Variants in HIBCH observed in about 807,000 individuals in gnomAD.
The protein encoded by HIBCH is 3-hydroxyisobutyryl-CoA hydrolase, mitochondrial.
Under a neutral mutation model 58.2 loss-of-function variants are expected in HIBCH, and 50 were observed. The observed-to-expected ratio is 0.86, with a 90% confidence interval of 0.68 to 1.09. HIBCH has a LOEUF of 1.09. Ranked by LOEUF, HIBCH falls within the 50% of genes least tolerant of loss-of-function variation. HIBCH has a pLI of 0.00. For missense variants in HIBCH, 450 were observed against 449.7 expected, an observed-to-expected ratio of 1.00 and a Z score of -0.01; for synonymous variants, 151 against 146.9, an observed-to-expected ratio of 1.03 and a Z score of -0.20.
intron 11 of HIBCH, among the ~76,000 whole-genome samples, chr2:190,220,103 T>C (rs1685675575): frequency 6.6e-6 from 1 of 152,238 alleles, no homozygotes; most frequent in South Asian, 2.1e-4. Flanking sequence ...TATAATGCTA[T>C]GCCACTCCTT....
chr2:190,206,984 T>C lies in HIBCH; in HGVS notation c.1046-1752A>G, dbSNP rs1328069401. ...ACTAAAAATACAAAAAAATTAGGCGTGGTGGCAGGCGCTTTTAGTCCCAGC... is the reference window on the plus strand; with the variant it reads ...ACTAAAAATACAAAAAAATTAGGCGCGGTGGCAGGCGCTTTTAGTCCCAGC... On this transcript the variant is annotated intron_variant, in intron 13 of 13. Transcript: ENST00000359678. The surrounding 1 kb of genome is among the most constrained non-coding windows in gnomAD (Gnocchi z 5.1). Among the ~76,000 whole-genome samples the C allele has an allele frequency of 1.3e-5, 2 of 151,944 alleles. No homozygotes were observed. The highest frequency in any genetic ancestry group is 2.4e-5 in the African/African-American group (1 of 41,344).
chr2:190,276,190 T>C (rs1687546220), intron 6 of HIBCH, among the ~76,000 whole-genome samples: 1 of 152,202 alleles, frequency 6.6e-6, no homozygotes, highest in Non-Finnish European at 1.5e-5. Context: ...GTTGACTTTC[T>C]GGAACACCAA....
chr2:190,257,793 A>G (rs944720760), intron 7 of HIBCH, among the ~76,000 whole-genome samples: 3 of 152,288 alleles, frequency 2.0e-5, no homozygotes, highest in Admixed American at 2.0e-4. Flanking sequence ...GAGCAGAAGG[A>G]AAGGGGGCTG....
At chr2:190,227,189 C>T (rs1167842234) in intron 11 of HIBCH, among the ~76,000 whole-genome samples, 1 of 152,176 alleles carries the variant, frequency 6.6e-6, no homozygotes, top group African/African-American at 2.4e-5. Context: ...TACTACAAGG[C>T]TACAGTAACC....
Position 190,316,379 on chromosome 2 carries a change from C to T in HIBCH, c.35+3337G>A, listed in dbSNP as rs142232213. Among the ~76,000 whole-genome samples, 81 of 152,154 alleles carry T rather than the reference C, an allele frequency of 5.3e-4. 1 individual carries two copies. In the South Asian group the frequency reaches 0.016, roughly 30 times the overall value. On this transcript the variant is annotated intron_variant, in intron 1 of 13. Coordinates refer to ENST00000359678, the MANE Select transcript of HIBCH (RefSeq NM_014362.4). ...TGGGCTGTGATCCTCCAGCCTCAGC[C>T]ACCCAAAGTGCTGGCATTACAGACT...
chr2:190,311,310 G>A (rs1688552447), intron 1 of HIBCH, among the ~76,000 whole-genome samples: 1 of 152,148 alleles, frequency 6.6e-6, no homozygotes, highest in South Asian at 2.1e-4. Context: ...TTGAAACACA[G>A]GAGATGTTTA....
chr2:190,316,156 AT>A (rs1375389266), intron 1 of HIBCH, among the ~76,000 whole-genome samples: 1 of 151,622 alleles, frequency 6.6e-6, no homozygotes, highest in Non-Finnish European at 1.5e-5. Flanking sequence ...TTATTTATTT[AT>A]TTTTAGAGAC....
chr2:190,300,851 G>A (rs911995271), intron 2 of HIBCH, among the ~76,000 whole-genome samples: 8 of 152,114 alleles, frequency 5.3e-5, no homozygotes, highest in South Asian at 2.1e-4. Flanking sequence ...CAAGGGGTCC[G>A]GTTTCCATTC....
chr2:190,202,832 A>G (rs1348723058), downstream of HIBCH: 4 of 167,044 alleles, frequency 2.4e-5, no homozygotes, highest in African/African-American at 9.7e-5. Flanking sequence ...ACAATGACTC[A>G]CTTAACCCCA....
At chr2:190,230,849 C>T (rs1008061137) in intron 11 of HIBCH, among the ~76,000 whole-genome samples, 1 of 152,134 alleles carries the variant, frequency 6.6e-6, no homozygotes, top group African/African-American at 2.4e-5. Flanking sequence ...TTGTATGAGT[C>T]TAGCATAACC....
chr2:190,311,074 A>G (rs1688542196), intron 1 of HIBCH: 2 of 588,434 alleles, frequency 3.4e-6, no homozygotes, highest in African/African-American at 3.7e-5. Context: ...CAATACAACC[A>G]TATAAAATAT....
At chr2:190,255,062 C>T (rs1245544600) in intron 7 of HIBCH, among the ~76,000 whole-genome samples, 1 of 152,174 alleles carries the variant, frequency 6.6e-6, no homozygotes, top group Non-Finnish European at 1.5e-5. Flanking sequence ...AATCTCACTG[C>T]TTCTACTCTG....
At chr2:190,317,913 T>C (rs575975641) in intron 1 of HIBCH, among the ~76,000 whole-genome samples, 1 of 150,146 alleles carries the variant, frequency 6.7e-6, no homozygotes, top group South Asian at 2.1e-4. Flanking sequence ...AACCTCCCCC[T>C]CCCAGGTTCC....
downstream of HIBCH, among the ~76,000 whole-genome samples, chr2:190,199,339 G>A (rs908850654): frequency 6.6e-6 from 1 of 152,168 alleles, no homozygotes; most frequent in African/African-American, 2.4e-5. Context: ...CGTGAGCATG[G>A]CTGTACAAAA....
chr2:190,190,567 C>T, intron 1 of HIBCH, among the ~76,000 whole-genome samples: 1 of 151,612 alleles, frequency 6.6e-6, no homozygotes, highest in East Asian at 2.0e-4. Context: ...AGATAAATAT[C>T]TAGAAATGAA....
Position 190,315,149 on chromosome 2 carries a change from A to G in HIBCH, c.36-4353T>C, listed in dbSNP as rs985237186. On this transcript the variant is annotated intron_variant, in intron 1 of 13. Transcript: ENST00000359678. This position sits in a 1 kb window ranked among gnomAD's most constrained non-coding sequence, Gnocchi z 5.4. Reference sequence around the variant, plus strand: ...TTTTTAGTAGAAACGGGGTTTCACCATGTTAGCCAGCATGGTCATGATCTC... The same window carrying G: ...TTTTTAGTAGAAACGGGGTTTCACCGTGTTAGCCAGCATGGTCATGATCTC... Among the ~76,000 whole-genome samples, 1 of 151,898 alleles carries G rather than the reference A, an allele frequency of 6.6e-6. No homozygotes were observed. Among genetic ancestry groups the G allele is most frequent in the Non-Finnish European group, 1.5e-5 (1 of 67,976 alleles).
chr2:190,288,679 A>C (rs957601393), intron 5 of HIBCH, among the ~76,000 whole-genome samples: 5 of 152,128 alleles, frequency 3.3e-5, no homozygotes, highest in African/African-American at 4.8e-5. Context: ...GCTAAACACA[A>C]AGTAAAAATC....
intron 10 of HIBCH, 30 bp downstream of exon 10, chr2:190,246,124 A>AATATAT (rs1265433568): frequency 8.0e-7 from 1 of 1,243,052 alleles, no homozygotes; most frequent in Non-Finnish European, 1.2e-6. Context: ...TTTCTAAAGG[A>AATATAT]ATATATAACT....
rs956680639 is a variant in HIBCH, at chr2:190,210,055, T to C, written c.1012-1142A>G. Among the ~76,000 whole-genome samples the C allele has an allele frequency of 6.6e-6, 1 of 152,200 alleles. No individual in the cohort carries two copies. Among genetic ancestry groups the C allele is most frequent in the Non-Finnish European group, 1.5e-5 (1 of 68,032 alleles). ...CCAATCATTTTTAAACATGTTCTAG[T>C]ACCTTCCATCTTACAAAATAAAAAA... On this transcript the variant is annotated intron_variant, in intron 12 of 13. Transcript: ENST00000359678. The surrounding 1 kb of genome is among the most constrained non-coding windows in gnomAD (Gnocchi z 5.5).
Sources: allele counts gnomAD v4.1 joint callset (sites outside exome capture counted in the v4.1 genomes callset), GRCh38; gene constraint gnomAD v4.1.1; non-coding constraint Gnocchi (gnomAD v3.1); transcripts MANE v1.5; gene names NCBI Gene and HGNC (gene_info 2026-07-23, HGNC 2026-07-21).